CERT1: variants seen among roughly 807,000 people sequenced by gnomAD.
The protein encoded by CERT1 is ceramide transfer protein.
Under a neutral mutation model 87.9 loss-of-function variants are expected in CERT1, and 31 were observed. That is an observed-to-expected ratio of 0.35 (90% CI 0.27 to 0.48). CERT1 has a LOEUF of 0.48. CERT1 is among the 20% of genes least tolerant of loss of function. The probability of loss-of-function intolerance (pLI) is 0.99; values close to 1 mark genes in which losing one functional copy is unlikely to be tolerated. For synonymous variants in CERT1, 289 were observed against 250.9 expected, an observed-to-expected ratio of 1.15 and a Z score of -1.44; for missense variants, 487 against 758.0, an observed-to-expected ratio of 0.64 and a Z score of 4.20.
chr5:75,484,494 T>C (rs918147883), intron 2 of CERT1, among the ~76,000 whole-genome samples: 3 of 147,156 alleles, frequency 2.0e-5, no homozygotes, highest in Non-Finnish European at 4.5e-5. Context: ...CAATGATCTG[T>C]TGCCTACAAG....
rs1415055356 is a variant in CERT1 at position 75,511,339 on chromosome 5, G to A, written c.-132C>T. On this transcript the variant is annotated 5_prime_UTR_variant, in exon 1 of 17. Coordinates refer to ENST00000643780, the MANE Select transcript of CERT1 (RefSeq NM_001379029.1). ...GCCCGCTCCGGTGTGGGGGGGAGCA[G>A]GAGGAGGGACGAAGTCCGCCCGCCG... is the stretch of plus-strand genomic sequence containing the variant. 47 of 1,545,500 alleles carry A rather than the reference G, an allele frequency of 3.0e-5. No homozygotes were observed. The highest frequency in any genetic ancestry group is 3.8e-5 in the Non-Finnish European group (43 of 1,146,158).
At chr5:75,404,129 AG>A (rs1292380654) in intron 8 of CERT1, among the ~76,000 whole-genome samples, 1 of 152,140 alleles carries the variant, frequency 6.6e-6, no homozygotes. Context: ...TCCATTAAAA[AG>A]TATCTAGCAA....
intron 2 of CERT1, among the ~76,000 whole-genome samples, chr5:75,465,088 C>T (rs913586612): frequency 1.2e-4 from 19 of 152,204 alleles, no homozygotes; most frequent in Admixed American, 2.0e-4. Context: ...GTTCAGGAGT[C>T]AACCAGAGAC....
chr5:75,500,680 T>C (rs1397812349), intron 2 of CERT1, among the ~76,000 whole-genome samples: 3 of 152,194 alleles, frequency 2.0e-5, no homozygotes, highest in Non-Finnish European at 4.4e-5. Context: ...TACCTTCCTC[T>C]CTTTCCTTTA....
At position 75,390,968 on chromosome 5, in the gene CERT1, A is replaced by AT. The variant is rs926547190; in HGVS notation, c.1189-1282dup. On this transcript the variant is annotated intron_variant, in intron 11 of 16. Coordinates refer to ENST00000643780, the MANE Select transcript of CERT1 (RefSeq NM_001379029.1). ...ATATGCCTGTGCCACCATGCCTAAC[A>AT]TTTTTTTTTTTTTAAGAGACACGGT... Among the ~76,000 whole-genome samples, 1,246 of 142,588 alleles carry AT rather than the reference A, an allele frequency of 8.7e-3. 14 individuals are homozygous for AT. The highest frequency in any genetic ancestry group is 0.024 in the Admixed American group (335 of 14,202). 93.5% of individuals were successfully genotyped at this position (142,588 alleles called of 152,430 possible).
chr5:75,505,878 A>C, intron 2 of CERT1, 104 bp downstream of exon 2: 2 of 827,512 alleles, frequency 2.4e-6, no homozygotes, highest in Admixed American at 2.5e-5. Context: ...AAGGACAAGG[A>C]TCTTTATCTT....
chr5:75,503,830 A>AATTTAAATTTTTTGTTTAATTTAAAC, intron 2 of CERT1, among the ~76,000 whole-genome samples: 1 of 54,506 alleles, frequency 1.8e-5, no homozygotes, highest in South Asian at 5.8e-4. Context: ...TAAATGTTAA[A>AATTTAAATTTTTTGTTTAATTTAAAC]ATTTAAATTT....
chr5:75,403,468 A>G (rs536760102), intron 8 of CERT1, among the ~76,000 whole-genome samples: 160 of 152,360 alleles, frequency 1.1e-3, no homozygotes, highest in Non-Finnish European at 1.8e-3. Flanking sequence ...TTTGGTGTCC[A>G]TAAAGTTTTA....
intron 2 of CERT1, among the ~76,000 whole-genome samples, chr5:75,461,592 T>A (rs1019992210): frequency 2.6e-5 from 4 of 152,196 alleles, no homozygotes; most frequent in African/African-American, 9.7e-5. Context: ...TCTTAAAATG[T>A]TTTACATTTT....
chr5:75,483,038 T>A (rs1381270573), intron 2 of CERT1, among the ~76,000 whole-genome samples: 3 of 152,014 alleles, frequency 2.0e-5, no homozygotes, highest in Non-Finnish European at 2.9e-5. Context: ...CCAAACAAAC[T>A]AAGTAAGGCA....
intron 2 of CERT1, among the ~76,000 whole-genome samples, chr5:75,464,257 T>A (rs888112917): frequency 6.6e-6 from 1 of 152,014 alleles, no homozygotes; most frequent in Non-Finnish European, 1.5e-5. Flanking sequence ...GGTTAAGGCA[T>A]GGATGGAGCT....
intron 3 of CERT1, among the ~76,000 whole-genome samples, chr5:75,437,503 C>T (rs559176034): frequency 7.9e-5 from 12 of 152,170 alleles, no homozygotes; most frequent in South Asian, 4.1e-4. Context: ...TGATGGCTCA[C>T]GCCTGTAATC....
intron 2 of CERT1, among the ~76,000 whole-genome samples, chr5:75,481,587 C>A (rs1452217009): frequency 2.0e-5 from 3 of 152,138 alleles, no homozygotes; most frequent in African/African-American, 4.8e-5. Context: ...ACTATATCAT[C>A]CCCAAATGTA....
At chr5:75,439,798 T>C (rs1234362166) in intron 3 of CERT1, among the ~76,000 whole-genome samples, 1 of 152,034 alleles carries the variant, frequency 6.6e-6, no homozygotes, top group Non-Finnish European at 1.5e-5. Flanking sequence ...AAATACGCAA[T>C]GGGAACAATT....
intron 8 of CERT1, among the ~76,000 whole-genome samples, chr5:75,409,446 T>A (rs1025331235): frequency 6.6e-6 from 1 of 152,222 alleles, no homozygotes; most frequent in African/African-American, 2.4e-5. Context: ...TTCATAAATA[T>A]AACTACAACT....
At chr5:75,445,259 A>T (rs144526303) in intron 3 of CERT1, among the ~76,000 whole-genome samples, 1 of 152,206 alleles carries the variant, frequency 6.6e-6, no homozygotes, top group African/African-American at 2.4e-5. Flanking sequence ...TGTTATTACA[A>T]TAATTCTAAT....
At chr5:75,422,549 G>A (rs563740586) in intron 5 of CERT1, among the ~76,000 whole-genome samples, 4 of 152,210 alleles carry the variant, frequency 2.6e-5, no homozygotes, top group South Asian at 2.1e-4. Context: ...CCTGGGGGGC[G>A]GAGGTTGCAG....
intron 11 of CERT1, among the ~76,000 whole-genome samples, chr5:75,390,625 A>C (rs1353836209): frequency 6.6e-6 from 1 of 152,220 alleles, no homozygotes; most frequent in Non-Finnish European, 1.5e-5. Context: ...GCGGAAACAA[A>C]GTAATTTCAT....
chr5:75,490,796 C>A (rs902627355), intron 2 of CERT1, among the ~76,000 whole-genome samples: 7 of 152,090 alleles, frequency 4.6e-5, no homozygotes, highest in Admixed American at 6.5e-5. Flanking sequence ...CTGTGCCCAG[C>A]CTAAATTTTC....
Sources: gnomAD v4.1 joint callset for allele counts (sites outside exome capture counted in the v4.1 genomes callset) on GRCh38, gnomAD v4.1.1 for gene constraint, MANE v1.5 for transcripts, NCBI Gene and HGNC (gene_info 2026-07-23, HGNC 2026-07-21) for gene names.